The following ZFYVE9 variants were observed in gnomAD, a reference collection of about 807,000 sequenced individuals.
ZFYVE9 encodes zinc finger FYVE domain-containing protein 9.
Under a neutral mutation model 126.7 loss-of-function variants are expected in ZFYVE9, and 43 were observed. The observed-to-expected ratio is 0.34, with a 90% confidence interval of 0.27 to 0.44. The LOEUF (loss-of-function observed/expected upper bound fraction) is 0.44. ZFYVE9 is among the 20% of genes least tolerant of loss of function. The pLI is 1.00. For missense variants in ZFYVE9, 1,476 were observed against 1,697.0 expected (o/e 0.87, Z 2.29); for synonymous variants, 521 against 597.4 (o/e 0.87, Z 1.87).
intron 13 of ZFYVE9, among the ~76,000 whole-genome samples, chr1:52,305,694 G>C (rs1050524063): frequency 6.6e-6 from 1 of 152,120 alleles, no homozygotes; most frequent in Non-Finnish European, 1.5e-5. Context: ...GCTCCATGGA[G>C]CAGGCAGGAG....
At position 52,192,443 on chromosome 1, in the gene ZFYVE9, C is replaced by T. The variant is rs971614262; in HGVS notation, c.-142-23926C>T. On this transcript the variant is annotated intron_variant, in intron 1 of 18. Coordinates refer to ENST00000287727, the MANE Select transcript of ZFYVE9 (RefSeq NM_004799.4). The stretch of plus-strand genomic sequence containing the variant: ...AGATAAGTTAGAAATTGCTCCTAAG[C>T]CTTTGGCTTATACTGTCAGTTGCTT... 5.2e-4 allele frequency among the ~76,000 whole-genome samples: 79 copies of T among 152,150 alleles called. 5 individuals are homozygous for T. The highest frequency in any genetic ancestry group is 1.5e-5 in the Non-Finnish European group (1 of 68,024).
chr1:52,320,180 C>T (rs548539071), intron 13 of ZFYVE9, among the ~76,000 whole-genome samples: 11 of 151,816 alleles, frequency 7.2e-5, no homozygotes, highest in Non-Finnish European at 1.5e-4. Flanking sequence ...AAGTGATTCT[C>T]CTGCCTCATC....
intron 1 of ZFYVE9, chr1:52,180,123 A>C: frequency 9.9e-7 from 1 of 1,010,924 alleles, no homozygotes; most frequent in Non-Finnish European, 1.6e-6. Flanking sequence ...AGTTTTGGAG[A>C]TCTCAGGGAA....
chr1:52,268,611 T>C lies in ZFYVE9; in HGVS notation c.2604T>C (p.Thr868=), dbSNP rs1645656973. 2 of 1,613,994 alleles carry C rather than the reference T, an allele frequency of 1.2e-6. No individual in the cohort carries two copies. Among genetic ancestry groups the C allele is most frequent in the Admixed American group, 1.7e-5 (1 of 60,000 alleles). The change falls in exon 7 of 19, where the codon ACT becomes ACC. Residue 868 remains threonine (T), a synonymous_variant. Coordinates refer to ENST00000287727, the MANE Select transcript of ZFYVE9 (RefSeq NM_004799.4). ...AVSHDPVKPV[T]TSPLPAETDI... is the part of the protein sequence containing the mutation. Reference sequence around the variant, plus strand: ...CACACGACCCAGTCAAGCCAGTAACTACCAGTCCTCTACCAGCAGAGGTAA... The same window carrying C: ...CACACGACCCAGTCAAGCCAGTAACCACCAGTCCTCTACCAGCAGAGGTAA...
chr1:52,160,872 A>G (rs1412668780), intron 1 of ZFYVE9, among the ~76,000 whole-genome samples: 2 of 152,240 alleles, frequency 1.3e-5, no homozygotes, highest in Non-Finnish European at 2.9e-5. Context: ...GTAGGTGTCC[A>G]GGGAATGTTG....
chr1:52,212,263 G>A (rs982385023), intron 1 of ZFYVE9, among the ~76,000 whole-genome samples: 1 of 152,176 alleles, frequency 6.6e-6, no homozygotes, highest in Non-Finnish European at 1.5e-5. Flanking sequence ...TCCTGCCTCA[G>A]TCTCCCAAAT....
intron 4 of ZFYVE9, among the ~76,000 whole-genome samples, chr1:52,251,703 C>A (rs952412202): frequency 6.6e-6 from 1 of 151,694 alleles, no homozygotes; most frequent in African/African-American, 2.4e-5. Flanking sequence ...ATAGTGCTGG[C>A]TTCACAGAAG....
intron 1 of ZFYVE9, among the ~76,000 whole-genome samples, chr1:52,188,668 A>T (rs1243390818): frequency 2.6e-5 from 4 of 152,164 alleles, no homozygotes; most frequent in African/African-American, 9.7e-5. Context: ...TTTCTATCTT[A>T]TAATTGAAGA....
At chr1:52,186,567 A>T (rs1462255777) in intron 1 of ZFYVE9, among the ~76,000 whole-genome samples, 1 of 152,170 alleles carries the variant, frequency 6.6e-6, no homozygotes, top group African/African-American at 2.4e-5. Flanking sequence ...TATCTAGAAA[A>T]CCTCATAGTC....
chr1:52,251,026 TTTGTTG>T (rs200636201), intron 4 of ZFYVE9, among the ~76,000 whole-genome samples: 6,422 of 147,006 alleles, frequency 0.044, 298 homozygotes, highest in African/African-American at 0.12. Flanking sequence ...TTCAGTCGTT[TTTGTTG>T]TTGTTGTTGT....
At position 52,332,828 on chromosome 1, in the gene ZFYVE9, G is replaced by A. The variant is rs1646354660; in HGVS notation, c.3499G>A (p.Glu1167Lys). ...CCTGGCAGGAGGTGCCTGCTTCAATGAAAAGGCAGACTCTCATCTTGTGTG... is the reference window on the plus strand; with the variant it reads ...CCTGGCAGGAGGTGCCTGCTTCAATAAAAAGGCAGACTCTCATCTTGTGTG... ...HVLAGGACFN[E>K]KADSHLVCVQ... The change falls in exon 14 of 19, where the codon GAA becomes AAA. Residue 1167 changes from glutamate to lysine, a missense_variant. Coordinates refer to ENST00000287727, the MANE Select transcript of ZFYVE9 (RefSeq NM_004799.4). The A allele has an allele frequency of 3.1e-6, 5 of 1,614,014 alleles. No homozygotes were observed. The highest frequency in any genetic ancestry group is 1.3e-5 in the African/African-American group (1 of 74,908).
intron 12 of ZFYVE9, among the ~76,000 whole-genome samples, chr1:52,297,692 A>C (rs940899327): frequency 6.6e-6 from 1 of 150,706 alleles, no homozygotes; most frequent in Non-Finnish European, 1.5e-5. Flanking sequence ...ATTTCCAGTT[A>C]TCTTTTTTTT....
At chr1:52,183,157 G>A (rs1644730686) in intron 1 of ZFYVE9, among the ~76,000 whole-genome samples, 1 of 152,156 alleles carries the variant, frequency 6.6e-6, no homozygotes, top group South Asian at 2.1e-4. Flanking sequence ...AGGTTTTAAT[G>A]TTTGTTATCA....
At chr1:52,181,985 C>A (rs1644711405) in intron 1 of ZFYVE9, among the ~76,000 whole-genome samples, 1 of 151,514 alleles carries the variant, frequency 6.6e-6, no homozygotes, top group Admixed American at 6.6e-5. Context: ...GCCGCCCCGT[C>A]CCGGAGGGAG....
intron 1 of ZFYVE9, among the ~76,000 whole-genome samples, chr1:52,166,303 G>A (rs936662552): frequency 6.6e-6 from 1 of 152,142 alleles, no homozygotes; most frequent in African/African-American, 2.4e-5. Context: ...TCAACATGGT[G>A]AAAAGGGCAT....
Position 52,179,897 on chromosome 1 carries a change from G to A in ZFYVE9, c.-142-36472G>A, listed in dbSNP as rs752169587. 3 of 913,530 alleles carry A rather than the reference G, an allele frequency of 3.3e-6. No homozygotes were observed. The South Asian group carries it at 4.0e-5, about 12-fold the overall frequency. 56.6% of individuals were successfully genotyped at this position (913,530 alleles called of 1,614,324 possible). On this transcript the variant is annotated intron_variant, in intron 1 of 18. Transcript: ENST00000287727. ...ATGGAGTGACATCTTACACAAAAAG[G>A]GCATCTTAAAGTCTGAAAGAATTGG...
intron 17 of ZFYVE9, among the ~76,000 whole-genome samples, chr1:52,344,071 C>CAAA (rs112122608): frequency 1.1e-5 from 1 of 89,906 alleles, no homozygotes; most frequent in Non-Finnish European, 2.5e-5. Flanking sequence ...ACTTTGTTTC[C>CAAA]AAAAAAAAAA....
chr1:52,286,808 C>G lies in ZFYVE9; in HGVS notation c.3025+4992C>G, dbSNP rs1318930380. 4.6e-5 allele frequency among the ~76,000 whole-genome samples: 7 copies of G among 152,100 alleles called. No individual in the cohort carries two copies. The East Asian group carries it at 9.6e-4, about 21-fold the overall frequency. On this transcript the variant is annotated intron_variant, in intron 10 of 18. Coordinates refer to ENST00000287727, the MANE Select transcript of ZFYVE9 (RefSeq NM_004799.4). ...CATTCAGTATTCTGCATGATCTGTT[C>G]CTATATTTTTAGTCTCATCTCCTGC...
At chr1:52,198,120 GTTTGTTTTT>G (rs1644880562) in intron 1 of ZFYVE9, among the ~76,000 whole-genome samples, 1 of 111,082 alleles carries the variant, frequency 9.0e-6, no homozygotes, top group Non-Finnish European at 1.7e-5. Context: ...GTTTTTTTTT[GTTTGTTTTT>G]TTTTTTTTTT....
Sources: allele counts gnomAD v4.1 joint callset (sites outside exome capture counted in the v4.1 genomes callset), GRCh38; gene constraint gnomAD v4.1.1; transcripts MANE v1.5; gene names NCBI Gene and HGNC (gene_info 2026-07-23, HGNC 2026-07-21).